Variants in STAM2 observed in about 807,000 individuals in gnomAD.
The protein encoded by STAM2 is signal transducing adapter molecule 2.
A neutral mutation model predicts 65.6 loss-of-function variants in STAM2; 51 were observed. That is an observed-to-expected ratio of 0.78 (90% CI 0.62 to 0.98). STAM2 has a LOEUF of 0.98. Among genes scored for constraint, STAM2 ranks in the 50% least tolerant of loss-of-function variants. STAM2 has a pLI of 0.00. For missense variants in STAM2, 584 were observed against 617.8 expected (o/e 0.95, Z 0.58); for synonymous variants, 198 against 208.4 (o/e 0.95, Z 0.43).
chr2:152,150,486 T>C (rs1689421962), intron 1 of STAM2, among the ~76,000 whole-genome samples: 1 of 152,204 alleles, frequency 6.6e-6, no homozygotes, highest in Non-Finnish European at 1.5e-5. Context: ...CATCAAATTC[T>C]AATTTGGAAG....
At chr2:152,136,088 CAAAAAAA>C (rs1228963447) in intron 7 of STAM2, among the ~76,000 whole-genome samples, 2 of 55,556 alleles carry the variant, frequency 3.6e-5, no homozygotes, top group Non-Finnish European at 7.4e-5. Flanking sequence ...AGACTCGTCT[CAAAAAAA>C]AAAAAAAAAA....
intron 1 of STAM2, among the ~76,000 whole-genome samples, chr2:152,157,127 G>GGAGGACTAGCCCAAGTAGAC (rs1193217818): frequency 6.6e-6 from 1 of 152,110 alleles, no homozygotes; most frequent in Admixed American, 6.5e-5. Flanking sequence ...CCCAAGTAGA[G>GGAGGACTAGCCCAAGTAGAC]AAGGACTAGC....
Position 152,133,432 on chromosome 2 carries a change from T to C in STAM2, c.852A>G (p.Lys284=). 3 of 1,613,000 alleles carry C rather than the reference T, an allele frequency of 1.9e-6. No individual in the cohort carries two copies. The highest frequency in any genetic ancestry group is 2.5e-6 in the Non-Finnish European group (3 of 1,179,378). Residue 284 remains lysine, a synonymous_variant, in exon 9 of 14, where the codon AAA becomes AAG. Coordinates refer to ENST00000263904, the MANE Select transcript of STAM2 (RefSeq NM_005843.6). ...CTATATAAACAGGCTCAGGCTCTGA[T>C]TTCTTAATTTCCTCCACATCATCAT... The part of the protein sequence containing the change: ...VIDDDVEEIK[K]SEPEPVYIDE...
At chr2:152,172,577 G>A (rs79287472) in intron 1 of STAM2, among the ~76,000 whole-genome samples, 4 of 152,020 alleles carry the variant, frequency 2.6e-5, no homozygotes, top group Admixed American at 6.6e-5. Context: ...ATCAGAGAAG[G>A]GGGGGAGGAG....
At chr2:152,160,616 C>A (rs1412452607) in intron 1 of STAM2, among the ~76,000 whole-genome samples, 2 of 150,994 alleles carry the variant, frequency 1.3e-5, no homozygotes, top group East Asian at 2.0e-4. Flanking sequence ...GGGGTCAGCC[C>A]CACCCAGGCC....
chr2:152,136,943 G>A (rs148942706), intron 7 of STAM2, among the ~76,000 whole-genome samples: 6 of 140,918 alleles, frequency 4.3e-5, no homozygotes, highest in African/African-American at 1.6e-4. Flanking sequence ...CACCCAAGCT[G>A]GAGTGCAGTG....
Position 152,147,302 on chromosome 2 carries a change from G to C in STAM2, c.307C>G (p.Pro103Ala), listed in dbSNP as rs751087192. The C allele has an allele frequency of 4.5e-6, 7 of 1,543,518 alleles. No homozygotes were observed. The Admixed American group carries it at 1.3e-4, about 29-fold the overall frequency. The part of the protein sequence containing the change: ...VRAVIKNKAH[P>A]KVCEKLKSLM... ...GATTTCAGTTTTTCACATACTTTAG[G>C]ATGTGCCTTTTAAGGAAAAGGAAAG... The change falls in exon 5 of 14, where the codon CCT (proline) becomes GCT (alanine). Residue 103 changes from proline to alanine, a missense_variant. Coordinates refer to ENST00000263904, the MANE Select transcript of STAM2 (RefSeq NM_005843.6).
In STAM2 at chr2:152,147,142, G is replaced by T. The variant is rs781481953; in HGVS notation, c.447+20C>A. ...TCAAAATATTATAGGGTCAACCATGGGTCTGAATAAATCTCTCACCTGAGA... is the reference window on the plus strand; with the variant it reads ...TCAAAATATTATAGGGTCAACCATGTGTCTGAATAAATCTCTCACCTGAGA... On this transcript the variant is annotated intron_variant, in intron 5 of 13. Transcript: ENST00000263904. 2 of 1,590,162 alleles carry T rather than the reference G, an allele frequency of 1.3e-6. No homozygotes were observed. Among genetic ancestry groups the T allele is most frequent in the African/African-American group, 2.7e-5 (2 of 73,418 alleles).
intron 4 of STAM2, 60 bp from the exon 5 acceptor site, chr2:152,147,368 TTA>T: frequency 7.1e-7 from 1 of 1,403,514 alleles, no homozygotes; most frequent in Non-Finnish European, 9.5e-7. Context: ...AGTACTTAAA[TTA>T]TTTAACAAGG....
At chr2:152,171,878 G>A (rs1395619726) in intron 1 of STAM2, among the ~76,000 whole-genome samples, 6 of 152,206 alleles carry the variant, frequency 3.9e-5, no homozygotes, top group African/African-American at 1.4e-4. Context: ...AGATTGCCTG[G>A]CTTGAGTAAA....
chr2:152,172,203 G>A (rs959555018), intron 1 of STAM2, among the ~76,000 whole-genome samples: 8 of 152,120 alleles, frequency 5.3e-5, no homozygotes, highest in African/African-American at 1.9e-4. Flanking sequence ...AATGAATCTA[G>A]ATAAAATGTT....
chr2:152,126,909 T>C (rs1347941028), intron 11 of STAM2, among the ~76,000 whole-genome samples: 1 of 152,190 alleles, frequency 6.6e-6, no homozygotes, highest in Admixed American at 6.5e-5. Flanking sequence ...TAGCCTCTGA[T>C]TGGTTGCTTT....
At chr2:152,155,878 A>T (rs571313613) in intron 1 of STAM2, among the ~76,000 whole-genome samples, 2 of 152,314 alleles carry the variant, frequency 1.3e-5, no homozygotes, top group African/African-American at 4.8e-5. Context: ...AGGAACAGAA[A>T]AATATTTTTA....
intron 11 of STAM2, among the ~76,000 whole-genome samples, chr2:152,128,129 C>T (rs149357769): frequency 5.3e-5 from 8 of 152,244 alleles, no homozygotes; most frequent in African/African-American, 1.4e-4. Context: ...AATATCAGGC[C>T]GGGCGCGGTG....
In STAM2 at chr2:152,117,845, C is replaced by T. The variant is rs546353063; in HGVS notation, c.*2729G>A. 6.6e-6 allele frequency: 1 copy of T among 151,994 alleles called. No homozygotes were observed. The allele number at this position is 151,994 out of a possible 1,614,324, so 9.4% of individuals were successfully genotyped here. On this transcript the variant is annotated 3_prime_UTR_variant, in exon 14 of 14. Transcript: ENST00000263904. The stretch of plus-strand genomic sequence containing the variant: ...TCAAAACATACAGTAAAATGTATTA[C>T]GTAGACAAGTATCAATTATTTCAAA...
chr2:152,150,224 CT>C lies in STAM2; in HGVS notation c.45del (p.Ala16ProfsTer32). 6.2e-7 allele frequency: 1 copy of C among 1,610,354 alleles called. No individual in the cohort carries two copies. ...TANPFEQDVEKATNEYNTTED... is the reference protein window; with the variant it reads ...TANPFEQDVEXATNEYNTTED... ...TCTGTAGTGTTGTACTCATTCGTGG[CT>C]TTTTCTATAAAATATATTGGCATAC... On this transcript the variant is annotated frameshift_variant, in exon 2 of 14. Coordinates refer to ENST00000263904, the MANE Select transcript of STAM2 (RefSeq NM_005843.6). LOFTEE classifies it high-confidence loss of function.
At chr2:152,120,902 A>C in intron 13 of STAM2, 100 bp from the exon 14 acceptor site, 1 of 812,744 alleles carries the variant, frequency 1.2e-6, no homozygotes, top group Non-Finnish European at 2.1e-6. Context: ...TCTTCTTTTT[A>C]AGCTTACGTA....
intron 7 of STAM2, among the ~76,000 whole-genome samples, chr2:152,136,020 G>A (rs1286048330): frequency 1.3e-5 from 2 of 150,628 alleles, no homozygotes; most frequent in African/African-American, 2.4e-5. Flanking sequence ...AACCCGGGAG[G>A]AGGAGGTTGC....
Position 152,126,337 on chromosome 2 carries a change from T to G in STAM2, c.1068A>C (p.Glu356Asp). ...CCAATTTGTTATATAGTTCCAGAGC[T>G]TCCAGGACTTTAACATTCAATTCAG... ...ELSELNVKVL[E>D]ALELYNKLVN... Residue 356 changes from glutamate (E) to aspartate (D), a missense_variant, in exon 12 of 14, where the codon GAA becomes GAC. Physicochemically the swap from Glu to Asp is conservative, Grantham distance 45 (BLOSUM62 2). Coordinates refer to ENST00000263904, the MANE Select transcript of STAM2 (RefSeq NM_005843.6). 1 of 1,591,660 alleles carries G rather than the reference T, an allele frequency of 6.3e-7. No homozygotes were observed. Among genetic ancestry groups the G allele is most frequent in the Non-Finnish European group, 8.5e-7 (1 of 1,169,776 alleles).
Sources: allele counts gnomAD v4.1 joint callset (sites outside exome capture counted in the v4.1 genomes callset), GRCh38; gene constraint gnomAD v4.1.1; transcripts MANE v1.5; gene names NCBI Gene and HGNC (gene_info 2026-07-23, HGNC 2026-07-21).